The following TMEM221 variants were observed in gnomAD, a reference collection of about 807,000 sequenced individuals.
The protein encoded by TMEM221 is transmembrane protein 221, also known as Putative transmembrane protein ENSP00000342162.
Under a neutral mutation model 10.2 loss-of-function variants are expected in TMEM221, and 11 were observed. That is an observed-to-expected ratio of 1.08 (90% CI 0.68 to 1.79). TMEM221 has a LOEUF of 1.79. Ranked by LOEUF, TMEM221 falls within the 40% of genes most tolerant of loss-of-function variation. The probability of loss-of-function intolerance (pLI) is 0.00; values close to 1 mark genes in which losing one functional copy is unlikely to be tolerated. For missense variants in TMEM221, 382 were observed against 417.7 expected (o/e 0.91, Z 0.75); for synonymous variants, 172 against 199.8 (o/e 0.86, Z 1.18).
intron 2 of TMEM221, among the ~76,000 whole-genome samples, chr19:17,443,686 A>AG (rs1772475617): frequency 6.6e-6 from 1 of 152,080 alleles, no homozygotes; most frequent in Non-Finnish European, 1.5e-5. Context: ...TGAAAAAAAA[A>AG]CAGTAATAGC....
chr19:17,437,425 G>GA (rs1371023815), intron 2 of TMEM221, among the ~76,000 whole-genome samples: 1 of 152,254 alleles, frequency 6.6e-6, no homozygotes, highest in East Asian at 1.9e-4. Context: ...CCGAGGCTCA[G>GA]AAAAAAGCAA....
At position 17,448,578 on chromosome 19, in the gene TMEM221, A is replaced by G. The variant is rs1168743344; in HGVS notation, c.-116T>C. 2.8e-6 allele frequency: 2 copies of G among 717,274 alleles called. No individual in the cohort carries two copies. Among genetic ancestry groups the G allele is most frequent in the Non-Finnish European group, 3.8e-6 (2 of 521,532 alleles). The allele number at this position is 717,274 out of a possible 1,614,324, so 44.4% of individuals were successfully genotyped here. A position where few individuals can be genotyped will look rare whatever the true frequency, so the allele number is the denominator to read the frequency against. On this transcript the variant is annotated 5_prime_UTR_variant, in exon 1 of 3. Transcript: ENST00000341130. This position sits in a 1 kb window ranked among gnomAD's most constrained non-coding sequence, Gnocchi z 4.7. ...GGGGTCCCCGAGGGGGCGGGGCCGC[A>G]GGGAGTGTCTGAAAGTTCGGGGACT...
chr19:17,443,258 G>A (rs2074938872), intron 2 of TMEM221, among the ~76,000 whole-genome samples: 1 of 152,048 alleles, frequency 6.6e-6, no homozygotes, highest in African/African-American at 2.4e-5. Context: ...TCCAGCCTGG[G>A]CGACAGAGCG....
chr19:17,445,729 C>T (rs371140931), intron 1 of TMEM221, among the ~76,000 whole-genome samples: 1 of 151,188 alleles, frequency 6.6e-6, no homozygotes, highest in Non-Finnish European at 1.5e-5. Context: ...TATCCATCCA[C>T]CCATCCATCC....
intron 2 of TMEM221, 79 bp downstream of exon 2, chr19:17,445,120 G>A (rs2074947706): frequency 1.5e-6 from 2 of 1,312,504 alleles, no homozygotes; most frequent in African/African-American, 2.9e-5. Context: ...TGTCTGCAGA[G>A]TTGATCCCAG....
intron 1 of TMEM221, among the ~76,000 whole-genome samples, chr19:17,447,076 G>A (rs1032746433): frequency 6.6e-6 from 1 of 151,874 alleles, no homozygotes; most frequent in Non-Finnish European, 1.5e-5. Flanking sequence ...ACAAAAATTA[G>A]CTGGGTATGG....
At chr19:17,438,046 A>T (rs1244162704) in intron 2 of TMEM221, among the ~76,000 whole-genome samples, 1 of 146,732 alleles carries the variant, frequency 6.8e-6, no homozygotes. Flanking sequence ...CAGCCTCCTG[A>T]GTAGGTGGGA....
At chr19:17,440,853 T>TG (rs1015048763) in intron 2 of TMEM221, among the ~76,000 whole-genome samples, 2 of 152,074 alleles carry the variant, frequency 1.3e-5, no homozygotes, top group Non-Finnish European at 2.9e-5. Flanking sequence ...GCCCCAGGCT[T>TG]GGGGGGCATT....
rs992147893 is a variant in TMEM221, at chr19:17,439,746, T to C, written c.407-2819A>G. 4.6e-5 allele frequency among the ~76,000 whole-genome samples: 7 copies of C among 151,110 alleles called. No individual in the cohort carries two copies. In the East Asian group the frequency reaches 1.4e-3, roughly 29 times the overall value. On this transcript the variant is annotated intron_variant, in intron 2 of 2. Transcript: ENST00000341130. Reference sequence around the variant, plus strand: ...TCCATAGAGACAGACAGTAGATTAGTGGCTTCCAGGGATGAGGAAGGGGCA... The same window carrying C: ...TCCATAGAGACAGACAGTAGATTAGCGGCTTCCAGGGATGAGGAAGGGGCA...
At chr19:17,445,325 T>C (rs2074948666) in intron 1 of TMEM221, 41 bp from the exon 2 acceptor site, 2 of 1,496,076 alleles carry the variant, frequency 1.3e-6, no homozygotes, top group Non-Finnish European at 9.0e-7. Context: ...GTTCAGGAAG[T>C]GGAGCTGGTG....
chr19:17,439,148 A>G (rs2074921639), intron 2 of TMEM221, among the ~76,000 whole-genome samples: 1 of 149,996 alleles, frequency 6.7e-6, no homozygotes, highest in Admixed American at 6.7e-5. Flanking sequence ...CGGAGCTTGC[A>G]GCGAGCCGAG....
intron 2 of TMEM221, among the ~76,000 whole-genome samples, chr19:17,439,079 C>T (rs1357867188): frequency 3.3e-5 from 5 of 151,752 alleles, no homozygotes; most frequent in Non-Finnish European, 5.9e-5. Context: ...TGGTGGCGGG[C>T]GCCTGCAGTC....
chr19:17,447,379 T>A (rs1032286145), intron 1 of TMEM221, among the ~76,000 whole-genome samples: 8 of 152,124 alleles, frequency 5.3e-5, no homozygotes, highest in African/African-American at 1.9e-4. Context: ...GTCCACTTGG[T>A]CCCCGCTGTC....
chr19:17,435,544 G>A lies in TMEM221; in HGVS notation c.*914C>T, dbSNP rs2074904437. The A allele has an allele frequency of 6.6e-6, 1 of 152,206 alleles. No individual in the cohort carries two copies. The highest frequency in any genetic ancestry group is 2.4e-5 in the African/African-American group (1 of 41,444). 9.4% of individuals were successfully genotyped at this position (152,206 alleles called of 1,614,324 possible). On this transcript the variant is annotated 3_prime_UTR_variant, in exon 3 of 3. Coordinates refer to ENST00000341130, the MANE Select transcript of TMEM221 (RefSeq NM_001190844.2). ...CAGAGTTTACTTGTGGGTTGTGCAA[G>A]ACAGGAGACCTTTGGAGACCCCTCT...
Position 17,436,229 on chromosome 19 carries a change from CT to C in TMEM221, c.*228del. ...AGGGTTTCGAGGCTTCCTGGGAAGA[CT>C]TCCAGGAGACACCTAGCCAGCGCTG... On this transcript the variant is annotated 3_prime_UTR_variant, in exon 3 of 3. Coordinates refer to ENST00000341130, the MANE Select transcript of TMEM221 (RefSeq NM_001190844.2). 2.0e-6 allele frequency: 1 copy of C among 512,102 alleles called. No individual in the cohort carries two copies. The highest frequency in any genetic ancestry group is 3.4e-6 in the Non-Finnish European group (1 of 292,186). 31.7% of individuals were successfully genotyped at this position (512,102 alleles called of 1,614,324 possible). A position where few individuals can be genotyped will look rare whatever the true frequency, so the allele number is the denominator to read the frequency against.
intron 2 of TMEM221, among the ~76,000 whole-genome samples, chr19:17,440,990 T>G (rs576594295): frequency 6.6e-6 from 1 of 152,146 alleles, no homozygotes; most frequent in South Asian, 2.1e-4. Context: ...GGCGGATCAC[T>G]TGAGGCCAGG....
intron 1 of TMEM221, among the ~76,000 whole-genome samples, chr19:17,445,867 TATCC>T (rs984027935): frequency 2.9e-5 from 4 of 137,302 alleles, no homozygotes; most frequent in Middle Eastern, 3.6e-3. Flanking sequence ...TCCATCCACT[TATCC>T]ATCCATCGGC....
chr19:17,443,426 A>G (rs1414927863), intron 2 of TMEM221, among the ~76,000 whole-genome samples: 1 of 151,756 alleles, frequency 6.6e-6, no homozygotes, highest in Non-Finnish European at 1.5e-5. Context: ...CTCAGGTTCA[A>G]GTGATTCTCC....
Position 17,436,790 on chromosome 19 carries a change from C to T in TMEM221, c.544G>A (p.Gly182Arg). The change falls in exon 3 of 3, where the codon GGG becomes AGG. Residue 182 changes from glycine (G) to arginine (R), a missense_variant. Transcript: ENST00000341130. ...LLRAARAARRGLHELSPPSFE... is the reference protein window; with the variant it reads ...LLRAARAARRRLHELSPPSFE... ...GATGGCGGGGACAACTCATGGAGCC[C>T]ACGGCGGGCAGCCCGGGCAGCCCGG... is the stretch of plus-strand genomic sequence containing the variant. The T allele has an allele frequency of 6.6e-7, 1 of 1,516,856 alleles. No individual in the cohort carries two copies. Among genetic ancestry groups the T allele is most frequent in the Non-Finnish European group, 8.8e-7 (1 of 1,134,994 alleles). 94.0% of individuals were successfully genotyped at this position (1,516,856 alleles called of 1,614,324 possible).
Sources: allele counts gnomAD v4.1 joint callset (sites outside exome capture counted in the v4.1 genomes callset), GRCh38; gene constraint gnomAD v4.1.1; non-coding constraint Gnocchi (gnomAD v3.1); transcripts MANE v1.5; gene names NCBI Gene and HGNC (gene_info 2026-07-23, HGNC 2026-07-21).